The following SCHIP1 variants were observed in gnomAD, a reference collection of about 807,000 sequenced individuals.
SCHIP1 encodes the protein schwannomin-interacting protein 1.
SCHIP1 carries 8 observed loss-of-function variants against 29.7 expected under a neutral mutation model. That is an observed-to-expected ratio of 0.27 (90% CI 0.16 to 0.49). The LOEUF (loss-of-function observed/expected upper bound fraction) is 0.49. SCHIP1 is among the 20% of genes least tolerant of loss of function. The probability of loss-of-function intolerance (pLI) is 0.99; values close to 1 mark genes in which losing one functional copy is unlikely to be tolerated. For missense variants in SCHIP1, 193 were observed against 294.6 expected, an observed-to-expected ratio of 0.66 and a Z score of 2.52; for synonymous variants, 76 against 94.9, an observed-to-expected ratio of 0.80 and a Z score of 1.16.
At chr3:159,558,344 A>G in the SCHIP1 span, among the ~76,000 whole-genome samples, 4 of 152,322 alleles carry the variant, frequency 2.6e-5, no homozygotes, top group African/African-American at 7.2e-5. Context: ...CTGGCAATAG[A>G]TAAGATATTC....
At chr3:159,355,110 G>A in the SCHIP1 span, among the ~76,000 whole-genome samples, 1,002 of 152,224 alleles carry the variant, frequency 6.6e-3, 6 homozygotes, top group Non-Finnish European at 8.1e-3. Flanking sequence ...CACATCAACA[G>A]CCCTCTGGAG....
chr3:159,395,181 T>A, the SCHIP1 span, among the ~76,000 whole-genome samples: 1 of 152,218 alleles, frequency 6.6e-6, no homozygotes, highest in Admixed American at 6.5e-5. Flanking sequence ...TTTATCATTT[T>A]TTATTGCATC....
the SCHIP1 span, among the ~76,000 whole-genome samples, chr3:159,830,579 A>ACCTAATTATAAATAATTATAACCT: frequency 6.6e-6 from 1 of 152,238 alleles, no homozygotes; most frequent in African/African-American, 2.4e-5. Context: ...TATAATTATA[A>ACCTAATTATAAATAATTATAACCT]GGCTAAAAAA....
At chr3:159,459,805 T>C in the SCHIP1 span, among the ~76,000 whole-genome samples, 1 of 152,128 alleles carries the variant, frequency 6.6e-6, no homozygotes, top group East Asian at 1.9e-4. Flanking sequence ...CCAATATGAC[T>C]GTGTCCTTAT....
the SCHIP1 span, among the ~76,000 whole-genome samples, chr3:159,623,880 G>T: frequency 6.6e-6 from 1 of 152,070 alleles, no homozygotes; most frequent in Admixed American, 6.6e-5. Context: ...TCTCACAAAA[G>T]TAGACAACTT....
the SCHIP1 span, among the ~76,000 whole-genome samples, chr3:159,558,577 C>A: frequency 6.6e-6 from 1 of 152,082 alleles, no homozygotes; most frequent in Non-Finnish European, 1.5e-5. Context: ...ATCCATGGAG[C>A]TGGAGGAAAA....
At chr3:159,686,511 A>C in the SCHIP1 span, among the ~76,000 whole-genome samples, 61 of 152,236 alleles carry the variant, frequency 4.0e-4, no homozygotes, top group Non-Finnish European at 7.2e-4. Flanking sequence ...CAGCAGAATC[A>C]GACATTTGCA....
At chr3:159,547,988 T>C in the SCHIP1 span, among the ~76,000 whole-genome samples, 1 of 152,202 alleles carries the variant, frequency 6.6e-6, no homozygotes. Context: ...ATCCATTTTT[T>C]AATGTTGAAC....
At chr3:159,718,304 C>T in the SCHIP1 span, among the ~76,000 whole-genome samples, 4 of 152,152 alleles carry the variant, frequency 2.6e-5, no homozygotes, top group African/African-American at 9.7e-5. Flanking sequence ...TGGAAGCATT[C>T]CCTTTGAAAA....
At chr3:159,723,012 C>T in the SCHIP1 span, among the ~76,000 whole-genome samples, 1 of 152,312 alleles carries the variant, frequency 6.6e-6, no homozygotes, top group Admixed American at 6.5e-5. Context: ...CCTGCTGTGG[C>T]TGCTGAGCAG....
chr3:159,666,429 A>C, the SCHIP1 span, among the ~76,000 whole-genome samples: 3 of 152,200 alleles, frequency 2.0e-5, no homozygotes, highest in South Asian at 6.2e-4. Flanking sequence ...TCAAATTCTC[A>C]TCTGCTCAAG....
chr3:159,393,072 A>G, the SCHIP1 span, among the ~76,000 whole-genome samples: 1 of 152,190 alleles, frequency 6.6e-6, no homozygotes, highest in Non-Finnish European at 1.5e-5. Context: ...AGTGATGATG[A>G]GCATTTTTTC....
chr3:159,832,057 C>G, the SCHIP1 span, among the ~76,000 whole-genome samples: 1 of 152,046 alleles, frequency 6.6e-6, no homozygotes. Context: ...TGACTGTTGT[C>G]AAATAATACA....
At chr3:159,610,749 A>G in the SCHIP1 span, among the ~76,000 whole-genome samples, 1 of 152,038 alleles carries the variant, frequency 6.6e-6, no homozygotes, top group Non-Finnish European at 1.5e-5. Flanking sequence ...AAAAATCTCT[A>G]TTGCTCTTCA....
At chr3:159,362,398 C>T in the SCHIP1 span, among the ~76,000 whole-genome samples, 16 of 152,148 alleles carry the variant, frequency 1.1e-4, no homozygotes, top group Non-Finnish European at 1.8e-4. Context: ...GCACGGGAGA[C>T]AATTGCTTAT....
At chr3:159,827,774 C>T in the SCHIP1 span, among the ~76,000 whole-genome samples, 7 of 149,730 alleles carry the variant, frequency 4.7e-5, no homozygotes, top group Admixed American at 2.0e-4. Flanking sequence ...CACTGCAGTC[C>T]GCAGTCCGGC....
At chr3:159,460,007 C>T in the SCHIP1 span, among the ~76,000 whole-genome samples, 1 of 152,280 alleles carries the variant, frequency 6.6e-6, no homozygotes, top group African/African-American at 2.4e-5. Flanking sequence ...AGTCTGTAGT[C>T]CTGTGTTATG....
At chr3:159,804,520 C>T in the SCHIP1 span, among the ~76,000 whole-genome samples, 2 of 152,214 alleles carry the variant, frequency 1.3e-5, no homozygotes, top group African/African-American at 4.8e-5. Flanking sequence ...CCCAGTTAAG[C>T]ATTCTGGGTC....
At chr3:159,308,798 G>A in the SCHIP1 span, among the ~76,000 whole-genome samples, 2 of 152,128 alleles carry the variant, frequency 1.3e-5, no homozygotes, top group Admixed American at 6.5e-5. Flanking sequence ...TAAAGAAAAT[G>A]TGGTACATAT....
Sources: allele counts gnomAD v4.1 joint callset (sites outside exome capture counted in the v4.1 genomes callset), GRCh38; gene constraint gnomAD v4.1.1; transcripts MANE v1.5; gene names NCBI Gene and HGNC (gene_info 2026-07-23, HGNC 2026-07-21).